The following LDAH variants were observed in gnomAD, a reference collection of about 807,000 sequenced individuals.
LDAH encodes the protein lipid droplet associated hydrolase.
In LDAH, 26 loss-of-function variants were observed where a neutral mutation model predicts 29.6. The observed-to-expected ratio is 0.88, with a 90% CI of 0.64 to 1.22. The LOEUF is 1.22. Ranked by LOEUF, LDAH falls within the 50% of genes most tolerant of loss-of-function variation. The probability of loss-of-function intolerance (pLI) is 0.00; values close to 1 mark genes in which losing one functional copy is unlikely to be tolerated. For missense variants in LDAH, 344 were observed against 387.3 expected, an observed-to-expected ratio of 0.89 and a Z score of 0.94; for synonymous variants, 117 against 133.0, an observed-to-expected ratio of 0.88 and a Z score of 0.83.
intron 3 of LDAH, among the ~76,000 whole-genome samples, chr2:20,780,456 A>G (rs1467156571): frequency 6.6e-6 from 1 of 152,096 alleles, no homozygotes; most frequent in Non-Finnish European, 1.5e-5. Flanking sequence ...TTGTAAAGTG[A>G]TATTTTGGAA....
chr2:20,801,808 T>A (rs1389656231), intron 1 of LDAH, among the ~76,000 whole-genome samples: 1 of 152,088 alleles, frequency 6.6e-6, no homozygotes, highest in Admixed American at 6.6e-5. Flanking sequence ...TACCTTCACC[T>A]GGTGAGAAAG....
At chr2:20,752,358 G>GAA (rs1234397801) in intron 4 of LDAH, among the ~76,000 whole-genome samples, 5 of 152,226 alleles carry the variant, frequency 3.3e-5, no homozygotes, top group Middle Eastern at 3.4e-3. Flanking sequence ...GTTCTAGAAA[G>GAA]AAAAGACAGG....
At chr2:20,804,355 G>GTC (rs1015642550) in intron 1 of LDAH, among the ~76,000 whole-genome samples, 44 of 152,212 alleles carry the variant, frequency 2.9e-4, no homozygotes, top group African/African-American at 1.0e-3. Context: ...CTTTGATTCA[G>GTC]TCATTCAATT....
At position 20,685,646 on chromosome 2, in the gene LDAH, G is replaced by A; in HGVS notation, c.*1257C>T. On this transcript the variant is annotated 3_prime_UTR_variant, in exon 7 of 7. Coordinates refer to ENST00000237822, the MANE Select transcript of LDAH (RefSeq NM_021925.4). ...TGTCCTTAGGGAATGATAATGCCAT[G>A]AGGGATTTCCTCTAGGAGAAAAAGG... 6.5e-7 allele frequency: 1 copy of A among 1,550,212 alleles called. No individual in the cohort carries two copies. The highest frequency in any genetic ancestry group is 8.7e-7 in the Non-Finnish European group (1 of 1,146,892).
Position 20,774,815 on chromosome 2 carries a change from G to T in LDAH, c.463C>A (p.Leu155Ile), listed in dbSNP as rs756412008. 4 of 1,612,754 alleles carry T rather than the reference G, an allele frequency of 2.5e-6. No homozygotes were observed. The South Asian group carries it at 4.4e-5, about 18-fold the overall frequency. ...TLQMLKRVPE[L>I]PVIRAFLLFP... The stretch of plus-strand genomic sequence containing the variant: ...ACCTCTGGAGACCTACTTACCGGGA[G>T]CTCAGGGACTCGCTTCAGCATCTGA... Residue 155 changes from leucine (L) to isoleucine (I), a missense_variant, in exon 4 of 7, where the codon CTC becomes ATC. Coordinates refer to ENST00000237822, the MANE Select transcript of LDAH (RefSeq NM_021925.4).
At chr2:20,758,885 C>A (rs527365309) in intron 4 of LDAH, among the ~76,000 whole-genome samples, 2 of 152,130 alleles carry the variant, frequency 1.3e-5, no homozygotes, top group Non-Finnish European at 2.9e-5. Context: ...CAACTATGAA[C>A]GGAAGGAAAC....
chr2:20,806,254 A>G (rs748664993), intron 1 of LDAH, among the ~76,000 whole-genome samples: 7 of 152,198 alleles, frequency 4.6e-5, no homozygotes, highest in Non-Finnish European at 7.4e-5. Flanking sequence ...TAAGATGAAC[A>G]GGAAGCTTCT....
intron 2 of LDAH, among the ~76,000 whole-genome samples, chr2:20,798,129 C>A (rs1438687522): frequency 1.3e-5 from 2 of 152,176 alleles, no homozygotes; most frequent in African/African-American, 4.8e-5. Flanking sequence ...TTATTTCCAA[C>A]CTAGAGTCTA....
chr2:20,688,985 C>A (rs1287211831), intron 6 of LDAH, among the ~76,000 whole-genome samples: 1 of 151,958 alleles, frequency 6.6e-6, no homozygotes, highest in Non-Finnish European at 1.5e-5. Flanking sequence ...GCTATCCCTC[C>A]CCTACCCCCC....
At position 20,684,966 on chromosome 2, in the gene LDAH, GA is replaced by G; in HGVS notation, c.*1936del. 6.5e-7 allele frequency: 1 copy of G among 1,547,830 alleles called. No homozygotes were observed. The highest frequency in any genetic ancestry group is 8.7e-7 in the Non-Finnish European group (1 of 1,145,936). Reference sequence around the variant, plus strand: ...AGAAAGGTGGCTTTTCACTTTAAAAGAGAGACTTTGAGCCGAGTCTAACTCA... The same window carrying G: ...AGAAAGGTGGCTTTTCACTTTAAAAGGAGACTTTGAGCCGAGTCTAACTCA... On this transcript the variant is annotated 3_prime_UTR_variant, in exon 7 of 7. Coordinates refer to ENST00000237822, the MANE Select transcript of LDAH (RefSeq NM_021925.4).
chr2:20,801,201 T>TAATTC, intron 2 of LDAH, 109 bp downstream of exon 2: 1 of 1,208,046 alleles, frequency 8.3e-7, no homozygotes, highest in Non-Finnish European at 1.2e-6. Flanking sequence ...CAAGCGATTT[T>TAATTC]AATTCCTTCT....
intron 5 of LDAH, among the ~76,000 whole-genome samples, chr2:20,738,901 T>C (rs1666989544): frequency 6.6e-6 from 1 of 152,228 alleles, no homozygotes; most frequent in Non-Finnish European, 1.5e-5. Flanking sequence ...TCTAGTTCAT[T>C]AGGCATGTGA....
intron 5 of LDAH, among the ~76,000 whole-genome samples, chr2:20,708,847 C>A (rs1572442446): frequency 6.6e-6 from 1 of 152,096 alleles, no homozygotes; most frequent in Non-Finnish European, 1.5e-5. Flanking sequence ...AAAACTAACA[C>A]TTTTATGCTT....
chr2:20,721,216 GCAAACTATC>G (rs1665624383), intron 5 of LDAH, among the ~76,000 whole-genome samples: 1 of 152,146 alleles, frequency 6.6e-6, no homozygotes, highest in African/African-American at 2.4e-5. Flanking sequence ...GAAAATATTT[GCAAACTATC>G]CATCTAACAA....
intron 4 of LDAH, among the ~76,000 whole-genome samples, chr2:20,742,867 C>T (rs1667290354): frequency 6.7e-6 from 1 of 148,550 alleles, no homozygotes. Flanking sequence ...CAAGGAGATC[C>T]TCCCACTTCA....
chr2:20,703,878 G>C (rs1664132823), intron 5 of LDAH, among the ~76,000 whole-genome samples: 1 of 152,186 alleles, frequency 6.6e-6, no homozygotes, highest in Admixed American at 6.5e-5. Context: ...CCTTATTTTA[G>C]GCGCTGGAGA....
chr2:20,743,088 G>A (rs188568132), intron 4 of LDAH, among the ~76,000 whole-genome samples: 1 of 151,996 alleles, frequency 6.6e-6, no homozygotes, highest in Non-Finnish European at 1.5e-5. Flanking sequence ...GACCACTGAT[G>A]TTCAAAGTGA....
chr2:20,730,376 T>C (rs1666313687), intron 5 of LDAH, among the ~76,000 whole-genome samples: 1 of 152,220 alleles, frequency 6.6e-6, no homozygotes, highest in South Asian at 2.1e-4. Flanking sequence ...GTTTAGGTTT[T>C]TAACTGTCAA....
chr2:20,763,426 T>A lies in LDAH; in HGVS notation c.468+11384A>T, dbSNP rs530847949. Among the ~76,000 whole-genome samples, 22 of 152,354 alleles carry A rather than the reference T, an allele frequency of 1.4e-4. No individual in the cohort carries two copies. The South Asian group carries it at 4.6e-3, about 32-fold the overall frequency. On this transcript the variant is annotated intron_variant, in intron 4 of 6. Transcript: ENST00000237822. Reference sequence around the variant, plus strand: ...AGAATCACCTGCAGTGCTAGTTAAATGCTGGTTGGTGAGCCCCACCCCTTG... The same window carrying A: ...AGAATCACCTGCAGTGCTAGTTAAAAGCTGGTTGGTGAGCCCCACCCCTTG...
Sources: gnomAD v4.1 joint callset for allele counts (sites outside exome capture counted in the v4.1 genomes callset) on GRCh38, gnomAD v4.1.1 for gene constraint, MANE v1.5 for transcripts, NCBI Gene and HGNC (gene_info 2026-07-23, HGNC 2026-07-21) for gene names.